PDE4D: variants seen among roughly 807,000 people sequenced by gnomAD.
The protein encoded by PDE4D is phosphodiesterase 4D.
PDE4D carries 24 observed loss-of-function variants against 87.4 expected under a neutral mutation model. The ratio of observed to expected loss-of-function variants is 0.27; its 90% CI spans 0.20 to 0.39. The LOEUF is 0.39. Among genes scored for constraint, PDE4D ranks in the 10% least tolerant of loss-of-function variants. The pLI, the probability that PDE4D is intolerant of heterozygous loss-of-function variation, is 1.00. For synonymous variants in PDE4D, 384 were observed against 383.2 expected (o/e 1.00, Z -0.02); for missense variants, 714 against 1,041.0 (o/e 0.69, Z 4.32).
chr5:60,063,095 GAAGAAAGA>G (rs34450673), intron 2 of PDE4D, among the ~76,000 whole-genome samples: 13,642 of 96,522 alleles, frequency 0.14, 1,160 homozygotes, highest in Admixed American at 0.19. Flanking sequence ...AAGAAAGAAA[GAAGAAAGA>G]AAGAAAGAAA....
intron 1 of PDE4D, among the ~76,000 whole-genome samples, chr5:59,886,857 T>C (rs1750229624): frequency 6.6e-6 from 1 of 151,932 alleles, no homozygotes; most frequent in Non-Finnish European, 1.5e-5. Context: ...TTAGACTTTA[T>C]CTTGAAGGCA....
chr5:60,308,999 T>G (rs1262079341), intron 1 of PDE4D, among the ~76,000 whole-genome samples: 1 of 152,174 alleles, frequency 6.6e-6, no homozygotes, highest in East Asian at 1.9e-4. Context: ...CCTCTATGTT[T>G]GCCTTCATAT....
intron 1 of PDE4D, among the ~76,000 whole-genome samples, chr5:59,796,526 C>A (rs1248355641): frequency 6.6e-6 from 1 of 152,186 alleles, no homozygotes; most frequent in African/African-American, 2.4e-5. Flanking sequence ...GTTGTGTGTC[C>A]TCTTGGAGGC....
Position 60,404,161 on chromosome 5 carries a change from C to CTT in PDE4D, c.-90+83779_-90+83780dup, listed in dbSNP as rs35780128. Among the ~76,000 whole-genome samples, 301 of 119,364 alleles carry CTT rather than the reference C, an allele frequency of 2.5e-3. 1 individual carries two copies. The highest frequency in any genetic ancestry group is 5.6e-3 in the South Asian group (20 of 3,582). The allele number at this position is 119,364 out of a possible 152,430, so 78.3% of individuals were successfully genotyped here. ...ACCCAGCACCCCGAGTCAGCCAATT[C>CTT]TTTTTTTTTTTTTTTTTTTGTCTCT... On this transcript the variant is annotated intron_variant, in intron 1 of 16. Coordinates refer to the PDE4D transcript ENST00000502484.
chr5:59,508,621 C>A (rs1172327380), intron 1 of PDE4D, among the ~76,000 whole-genome samples: 2 of 151,058 alleles, frequency 1.3e-5, no homozygotes, highest in African/African-American at 4.9e-5. Context: ...GGTAGACCAA[C>A]AAGATTACAG....
At chr5:59,881,129 G>A (rs890569562) in intron 1 of PDE4D, among the ~76,000 whole-genome samples, 1 of 152,096 alleles carries the variant, frequency 6.6e-6, no homozygotes, top group Non-Finnish European at 1.5e-5. Flanking sequence ...TCTCAGTCAA[G>A]AAATTTATTT....
At chr5:59,066,418 G>A (rs534015113) in intron 5 of PDE4D, among the ~76,000 whole-genome samples, 1 of 152,238 alleles carries the variant, frequency 6.6e-6, no homozygotes, top group Non-Finnish European at 1.5e-5. Context: ...CAGGCAAAGA[G>A]AATAACATCA....
intron 1 of PDE4D, among the ~76,000 whole-genome samples, chr5:60,248,641 T>A (rs1748065539): frequency 6.6e-6 from 1 of 152,072 alleles, no homozygotes; most frequent in Non-Finnish European, 1.5e-5. Context: ...AATTCTTTCA[T>A]GACCTCTCTT....
chr5:59,465,585 G>A (rs975080829), intron 1 of PDE4D, among the ~76,000 whole-genome samples: 3 of 152,080 alleles, frequency 2.0e-5, no homozygotes, highest in African/African-American at 2.4e-5. Flanking sequence ...GGAGTTGTCT[G>A]TTTCTTCTCA....
chr5:60,073,136 T>C (rs974342014), intron 2 of PDE4D, among the ~76,000 whole-genome samples: 1 of 152,172 alleles, frequency 6.6e-6, no homozygotes, highest in African/African-American at 2.4e-5. Flanking sequence ...CAGTATGATG[T>C]TGGCTGTGGA....
At chr5:60,267,695 G>A (rs1207023130) in intron 1 of PDE4D, among the ~76,000 whole-genome samples, 1 of 152,112 alleles carries the variant, frequency 6.6e-6, no homozygotes, top group African/African-American at 2.4e-5. Context: ...TCAATTCAGG[G>A]ATTCAATCCT....
At chr5:60,134,419 C>T (rs796911130) in intron 2 of PDE4D, among the ~76,000 whole-genome samples, 8 of 152,256 alleles carry the variant, frequency 5.3e-5, no homozygotes, top group African/African-American at 1.9e-4. Context: ...ACAGGAGGAT[C>T]GCTTGAGACT....
intron 1 of PDE4D, among the ~76,000 whole-genome samples, chr5:60,254,323 C>T (rs1197204675): frequency 6.6e-6 from 1 of 151,886 alleles, no homozygotes; most frequent in African/African-American, 2.4e-5. Context: ...ATGCCAGCAA[C>T]CCTGGCCCCT....
chr5:59,481,372 CA>C (rs11365791), intron 1 of PDE4D, among the ~76,000 whole-genome samples: 12,736 of 131,010 alleles, frequency 0.097, 1,548 homozygotes, highest in African/African-American at 0.29. Flanking sequence ...CAATGTAGTC[CA>C]AAAAAAAAAA....
chr5:59,067,492 C>A (rs553973398), intron 5 of PDE4D, among the ~76,000 whole-genome samples: 2 of 152,080 alleles, frequency 1.3e-5, no homozygotes, highest in African/African-American at 4.8e-5. Context: ...TTACCTATAC[C>A]TTATTCCATT....
At chr5:59,001,191 G>A (rs1366824627) in intron 6 of PDE4D, among the ~76,000 whole-genome samples, 1 of 152,100 alleles carries the variant, frequency 6.6e-6, no homozygotes, top group African/African-American at 2.4e-5. Flanking sequence ...AGGTCTTGTG[G>A]GTGAGAAACA....
At chr5:59,072,358 A>G (rs1352522546) in intron 5 of PDE4D, among the ~76,000 whole-genome samples, 1 of 152,192 alleles carries the variant, frequency 6.6e-6, no homozygotes, top group East Asian at 1.9e-4. Flanking sequence ...TTGAGCATCT[A>G]TATTTGGCAG....
At chr5:59,985,975 T>G (rs1419133158) in intron 3 of PDE4D, among the ~76,000 whole-genome samples, 3 of 152,222 alleles carry the variant, frequency 2.0e-5, no homozygotes, top group Admixed American at 6.5e-5. Context: ...TTCTTAAATC[T>G]TAATGAAGAT....
intron 1 of PDE4D, among the ~76,000 whole-genome samples, chr5:60,244,512 C>A (rs1747484624): frequency 6.6e-6 from 1 of 151,758 alleles, no homozygotes; most frequent in Admixed American, 6.6e-5. Flanking sequence ...TCAAAAGGAA[C>A]AAAACTGGAG....
Sources: allele counts gnomAD v4.1 joint callset (sites outside exome capture counted in the v4.1 genomes callset), GRCh38; gene constraint gnomAD v4.1.1; transcripts MANE v1.5; gene names NCBI Gene and HGNC (gene_info 2026-07-23, HGNC 2026-07-21).